NR3C2: variants seen among roughly 807,000 people sequenced by gnomAD.
NR3C2 encodes nuclear receptor subfamily 3 group C member 2, also known as mineralocorticoid receptor.
Under a neutral mutation model 86.4 loss-of-function variants are expected in NR3C2, and 15 were observed. That is an observed-to-expected ratio of 0.17 (90% confidence interval 0.12 to 0.27). The LOEUF (loss-of-function observed/expected upper bound fraction) is 0.27, where lower values mean the gene tolerates loss of function less well. Ranked by LOEUF, NR3C2 falls within the 10% of genes least tolerant of loss-of-function variation. The pLI, the probability that NR3C2 is intolerant of heterozygous loss-of-function variation, is 1.00. For missense variants in NR3C2, 960 were observed against 1,195.6 expected, an observed-to-expected ratio of 0.80 and a Z score of 2.91; for synonymous variants, 458 against 450.5, an observed-to-expected ratio of 1.02 and a Z score of -0.21.
chr4:148,136,087 A>C (rs561181965), intron 6 of NR3C2, among the ~76,000 whole-genome samples: 5,445 of 78,708 alleles, frequency 0.069, 539 homozygotes, highest in African/African-American at 0.19. Flanking sequence ...CAAAAAAAAA[A>C]AACACCACCA....
chr4:148,254,385 T>G (rs1324036387), intron 3 of NR3C2, among the ~76,000 whole-genome samples: 2 of 152,188 alleles, frequency 1.3e-5, no homozygotes, highest in Non-Finnish European at 2.9e-5. Flanking sequence ...TGGTGCCCTG[T>G]GCAACAACAG....
At chr4:148,155,666 C>T (rs949245470) in intron 4 of NR3C2, among the ~76,000 whole-genome samples, 3 of 151,420 alleles carry the variant, frequency 2.0e-5, no homozygotes, top group South Asian at 2.1e-4. Flanking sequence ...GAATCAATAT[C>T]GTGAAAATGG....
chr4:148,262,565 G>A (rs1740175781), intron 2 of NR3C2, among the ~76,000 whole-genome samples: 1 of 152,028 alleles, frequency 6.6e-6, no homozygotes, highest in South Asian at 2.1e-4. Flanking sequence ...AACTACTATG[G>A]ATGGAACTGT....
intron 4 of NR3C2, among the ~76,000 whole-genome samples, chr4:148,175,272 G>A (rs1318019956): frequency 6.6e-6 from 1 of 152,302 alleles, no homozygotes; most frequent in African/African-American, 2.4e-5. Flanking sequence ...AACCCTTGGA[G>A]CAGCGGTTCC....
chr4:148,420,113 G>T (rs1271532355), intron 2 of NR3C2, among the ~76,000 whole-genome samples: 1 of 152,116 alleles, frequency 6.6e-6, no homozygotes, highest in East Asian at 1.9e-4. Context: ...CTGGATGAGT[G>T]ACCCAAGCCA....
At chr4:148,082,794 G>C (rs1444177065) in intron 8 of NR3C2, among the ~76,000 whole-genome samples, 1 of 151,528 alleles carries the variant, frequency 6.6e-6, no homozygotes, top group Admixed American at 6.6e-5. Context: ...CACCACCACG[G>C]AGCCTAGCAA....
intron 4 of NR3C2, among the ~76,000 whole-genome samples, chr4:148,159,964 T>C (rs998658145): frequency 4.6e-5 from 7 of 152,206 alleles, no homozygotes; most frequent in African/African-American, 1.4e-4. Flanking sequence ...TTTTCTCCAT[T>C]GCCAGCAACA....
intron 2 of NR3C2, among the ~76,000 whole-genome samples, chr4:148,351,798 A>G (rs1415638698): frequency 6.6e-6 from 1 of 152,188 alleles, no homozygotes; most frequent in Non-Finnish European, 1.5e-5. Flanking sequence ...CAGTCATAAA[A>G]GGGTGATAAA....
chr4:148,355,846 G>C (rs1209207382), intron 2 of NR3C2, among the ~76,000 whole-genome samples: 1 of 152,110 alleles, frequency 6.6e-6, no homozygotes, highest in Non-Finnish European at 1.5e-5. Flanking sequence ...GCAAAGTTTC[G>C]GTTTTGTAGA....
chr4:148,159,565 A>G (rs1469384810), intron 4 of NR3C2, among the ~76,000 whole-genome samples: 1 of 152,214 alleles, frequency 6.6e-6, no homozygotes, highest in African/African-American at 2.4e-5. Context: ...AAACACAGAA[A>G]GAATAACTAC....
intron 2 of NR3C2, among the ~76,000 whole-genome samples, chr4:148,367,175 A>C (rs1209005471): frequency 6.6e-6 from 1 of 152,192 alleles, no homozygotes; most frequent in East Asian, 1.9e-4. Context: ...GTCCAAAAGA[A>C]ACAAAATACA....
intron 2 of NR3C2, among the ~76,000 whole-genome samples, chr4:148,280,586 C>T (rs1158448658): frequency 5.3e-5 from 8 of 152,180 alleles, no homozygotes; most frequent in Non-Finnish European, 1.5e-5. Flanking sequence ...GCAGCCTCAA[C>T]ATCCTAAGCT....
intron 8 of NR3C2, among the ~76,000 whole-genome samples, chr4:148,096,530 G>T (rs1290877807): frequency 1.3e-5 from 2 of 152,168 alleles, no homozygotes; most frequent in Admixed American, 6.6e-5. Context: ...AAGAACAGGT[G>T]AGATCAAGGT....
chr4:148,179,671 T>C (rs1735555201), intron 4 of NR3C2, among the ~76,000 whole-genome samples: 1 of 151,650 alleles, frequency 6.6e-6, no homozygotes, highest in African/African-American at 2.4e-5. Context: ...AAATTAGATG[T>C]ATATATTGAG....
chr4:148,445,008 C>T (rs759760288), upstream of NR3C2: 173 of 984,612 alleles, frequency 1.8e-4, no homozygotes, highest in Non-Finnish European at 2.0e-4. Context: ...CGCCCCCCTC[C>T]CCGGGTCACG....
chr4:148,345,291 C>T (rs1744935261), intron 2 of NR3C2, among the ~76,000 whole-genome samples: 1 of 151,416 alleles, frequency 6.6e-6, no homozygotes, highest in African/African-American at 2.4e-5. Context: ...TACACACGTG[C>T]ACATGAACAT....
chr4:148,266,032 G>C (rs572093950), intron 2 of NR3C2, among the ~76,000 whole-genome samples: 24 of 151,290 alleles, frequency 1.6e-4, no homozygotes, highest in Admixed American at 1.5e-3. Flanking sequence ...CGGGGAGGGT[G>C]GGGGAGACAG....
intron 4 of NR3C2, among the ~76,000 whole-genome samples, chr4:148,166,776 A>G (rs1441714336): frequency 8.6e-5 from 13 of 151,504 alleles, no homozygotes; most frequent in Admixed American, 8.6e-4. Flanking sequence ...AGATTGAACA[A>G]TAGACTTGGA....
Position 148,154,711 on chromosome 4 carries a change from T to C in NR3C2, c.2205A>G (p.Thr735=), listed in dbSNP as rs750013422. 1.9e-6 allele frequency: 3 copies of C among 1,612,654 alleles called. No individual in the cohort carries two copies. The highest frequency in any genetic ancestry group is 1.3e-5 in the African/African-American group (1 of 74,604). ...PQLSTISRAL[T]PSPVMVLENI... ...TTTCAAGGACCATAACGGGGGAAGG[T>C]GTGAGCGCTCGTGAGATTGTGGAGA... Residue 735 remains threonine, a synonymous_variant, in exon 5 of 9, where the codon ACA becomes ACG. Transcript: ENST00000358102.
Sources: gnomAD v4.1 joint callset for allele counts (sites outside exome capture counted in the v4.1 genomes callset) on GRCh38, gnomAD v4.1.1 for gene constraint, MANE v1.5 for transcripts, NCBI Gene and HGNC (gene_info 2026-07-23, HGNC 2026-07-21) for gene names.